Variants in DENND1B observed in about 807,000 individuals in gnomAD.
DENND1B encodes the protein DENN domain containing 1B.
A neutral mutation model predicts 90.1 loss-of-function variants in DENND1B; 59 were observed. That is an observed-to-expected ratio of 0.65 (90% CI 0.53 to 0.81). The LOEUF (loss-of-function observed/expected upper bound fraction) is 0.81, where lower values mean the gene tolerates loss of function less well. Ranked by LOEUF, DENND1B falls within the 40% of genes least tolerant of loss-of-function variation. DENND1B has a pLI of 0.00. For missense variants in DENND1B, 862 were observed against 912.6 expected, an observed-to-expected ratio of 0.94 and a Z score of 0.71; for synonymous variants, 337 against 324.6, an observed-to-expected ratio of 1.04 and a Z score of -0.41.
chr1:197,748,374 G>C (rs1036206973), intron 2 of DENND1B, among the ~76,000 whole-genome samples: 3 of 152,144 alleles, frequency 2.0e-5, no homozygotes, highest in African/African-American at 7.2e-5. Context: ...TATGCAGTAG[G>C]CAGAACAGTG....
At chr1:197,692,930 A>G (rs1480523271) in intron 3 of DENND1B, among the ~76,000 whole-genome samples, 3 of 151,626 alleles carry the variant, frequency 2.0e-5, no homozygotes, top group Admixed American at 6.6e-5. Context: ...GTTTCCTTCT[A>G]CTTAGAAGAT....
At chr1:197,746,516 C>G (rs1558473312) in intron 2 of DENND1B, among the ~76,000 whole-genome samples, 2 of 152,068 alleles carry the variant, frequency 1.3e-5, no homozygotes, top group Non-Finnish European at 2.9e-5. Context: ...TCCTATTTTT[C>G]TATATTTTTT....
chr1:197,746,384 G>A (rs544653974), intron 2 of DENND1B, among the ~76,000 whole-genome samples: 2 of 152,142 alleles, frequency 1.3e-5, no homozygotes, highest in African/African-American at 4.8e-5. Context: ...GACAGAGACT[G>A]TCTCAAAAAA....
chr1:197,570,885 A>G (rs1673088822), intron 15 of DENND1B, among the ~76,000 whole-genome samples: 1 of 152,202 alleles, frequency 6.6e-6, no homozygotes, highest in Non-Finnish European at 1.5e-5. Flanking sequence ...AAGAAACTGG[A>G]TATATAGAAT....
chr1:197,727,352 A>C (rs1558449837), intron 2 of DENND1B, among the ~76,000 whole-genome samples: 1 of 151,956 alleles, frequency 6.6e-6, no homozygotes, highest in South Asian at 2.1e-4. Context: ...TGGCTAACAC[A>C]GTGAAACCCC....
chr1:197,552,803 C>A, intron 16 of DENND1B: 2 of 1,317,784 alleles, frequency 1.5e-6, no homozygotes, highest in Non-Finnish European at 1.9e-6. Flanking sequence ...AGGCCAACAG[C>A]TGCCAATTCA....
intron 15 of DENND1B, among the ~76,000 whole-genome samples, chr1:197,570,229 CA>C (rs34035389): frequency 2.0e-3 from 272 of 135,400 alleles, no homozygotes; most frequent in African/African-American, 2.4e-3. Flanking sequence ...CCCATATCTC[CA>C]AAAAAAAAAA....
intron 5 of DENND1B, among the ~76,000 whole-genome samples, chr1:197,667,163 C>A (rs564152311): frequency 5.5e-4 from 83 of 151,340 alleles, no homozygotes; most frequent in African/African-American, 2.0e-3. Context: ...ACTTTTTCAA[C>A]CACATCTTAA....
intron 15 of DENND1B, among the ~76,000 whole-genome samples, chr1:197,568,761 G>A (rs1276274637): frequency 2.0e-5 from 3 of 152,018 alleles, no homozygotes; most frequent in Non-Finnish European, 4.4e-5. Flanking sequence ...GGACATCCAT[G>A]TGCAGAAGAA....
chr1:197,627,412 A>T (rs1678867981), intron 10 of DENND1B, among the ~76,000 whole-genome samples: 2 of 152,194 alleles, frequency 1.3e-5, no homozygotes. Flanking sequence ...ATATAAACAG[A>T]ACCAAAGACA....
At chr1:197,579,285 T>G (rs1387507982) in intron 15 of DENND1B, among the ~76,000 whole-genome samples, 1 of 152,196 alleles carries the variant, frequency 6.6e-6, no homozygotes, top group African/African-American at 2.4e-5. Flanking sequence ...CACTCATAAT[T>G]AAAAGGTGTT....
chr1:197,718,607 G>C (rs2102258174), intron 2 of DENND1B, among the ~76,000 whole-genome samples: 1 of 151,946 alleles, frequency 6.6e-6, no homozygotes, highest in African/African-American at 2.4e-5. Context: ...TAGAAGAAGG[G>C]GTACTGCAGG....
intron 12 of DENND1B, among the ~76,000 whole-genome samples, chr1:197,607,555 G>A (rs2125838656): frequency 6.6e-6 from 1 of 150,874 alleles, no homozygotes; most frequent in South Asian, 2.1e-4. Context: ...TTAGCATAAA[G>A]CATATTGCAA....
At chr1:197,578,685 T>C (rs1010599740) in intron 15 of DENND1B, among the ~76,000 whole-genome samples, 1 of 152,178 alleles carries the variant, frequency 6.6e-6, no homozygotes, top group Admixed American at 6.5e-5. Flanking sequence ...CACACTATTG[T>C]CAATTAAAAT....
At chr1:197,641,925 G>A (rs921339597) in intron 10 of DENND1B, among the ~76,000 whole-genome samples, 1 of 151,938 alleles carries the variant, frequency 6.6e-6, no homozygotes, top group Non-Finnish European at 1.5e-5. Flanking sequence ...TCAAATTTGT[G>A]AGGAAGAAAA....
Position 197,735,744 on chromosome 1 carries a change from G to A in DENND1B, c.83-20670C>T, listed in dbSNP as rs1207665707. 3.7e-6 allele frequency: 6 copies of A among 1,612,566 alleles called. No homozygotes were observed. In the East Asian group the frequency reaches 6.7e-5, roughly 18 times the overall value. On this transcript the variant is annotated intron_variant, in intron 2 of 22. Transcript: ENST00000620048. Reference sequence around the variant, plus strand: ...TTTCCAGTTTCTTAATGCAAAATGCGAATCGGCGTACTTTTCCAGGGGGAA... The same window carrying A: ...TTTCCAGTTTCTTAATGCAAAATGCAAATCGGCGTACTTTTCCAGGGGGAA...
At chr1:197,698,525 A>G (rs1658684677) in intron 3 of DENND1B, among the ~76,000 whole-genome samples, 1 of 151,916 alleles carries the variant, frequency 6.6e-6, no homozygotes, top group African/African-American at 2.4e-5. Context: ...AGATCAAACT[A>G]ATCCAAAAGC....
In DENND1B at chr1:197,713,887, A is replaced by ATATAT. The variant is rs1268445342; in HGVS notation, c.126+1139_126+1143dup. Among the ~76,000 whole-genome samples, 79 of 86,636 alleles carry ATATAT rather than the reference A, an allele frequency of 9.1e-4. 1 individual carries two copies. The highest frequency in any genetic ancestry group is 1.3e-3 in the Non-Finnish European group (60 of 44,960). 56.8% of individuals were successfully genotyped at this position (86,636 alleles called of 152,430 possible). ...TTATATATAACTATTGTTATATATA[A>ATATAT]TATATAATATATTATATAATATATT... On this transcript the variant is annotated intron_variant, in intron 3 of 22. Coordinates refer to ENST00000620048, the MANE Select transcript of DENND1B (RefSeq NM_001195215.2).
At chr1:197,671,545 A>G (rs1655505608) in intron 5 of DENND1B, among the ~76,000 whole-genome samples, 1 of 152,178 alleles carries the variant, frequency 6.6e-6, no homozygotes, top group Admixed American at 6.5e-5. Context: ...AACTATATAC[A>G]AAACTTCCTC....
Sources: allele counts gnomAD v4.1 joint callset (sites outside exome capture counted in the v4.1 genomes callset), GRCh38; gene constraint gnomAD v4.1.1; transcripts MANE v1.5; gene names NCBI Gene and HGNC (gene_info 2026-07-23, HGNC 2026-07-21).